The following RPTOR variants were observed in gnomAD, a reference collection of about 807,000 sequenced individuals.
RPTOR encodes the protein regulatory associated protein of MTOR complex 1, also known as regulatory-associated protein of mTOR.
In RPTOR, 21 loss-of-function variants were observed where a neutral mutation model predicts 169.9. That is an observed-to-expected ratio of 0.12 (90% CI 0.09 to 0.18). The LOEUF is 0.18. Ranked by LOEUF, RPTOR falls within the 10% of genes least tolerant of loss-of-function variation. The pLI, the probability that RPTOR is intolerant of heterozygous loss-of-function variation, is 1.00. For missense variants in RPTOR, 1,133 were observed against 1,855.9 expected (o/e 0.61, Z 7.16); for synonymous variants, 732 against 753.2 (o/e 0.97, Z 0.46).
In RPTOR at chr17:80,695,681, G is replaced by A. The variant is rs2066030375; in HGVS notation, c.349-12160G>A. Among the ~76,000 whole-genome samples, 2 of 152,242 alleles carry A rather than the reference G, an allele frequency of 1.3e-5. No individual in the cohort carries two copies. The highest frequency in any genetic ancestry group is 2.9e-5 in the Non-Finnish European group (2 of 68,048). ...CCAGAATAATCGTGAGAAGGAGCCAGTGGAGTGGTGTGACTTTTGTATTTA... is the reference window on the plus strand; with the variant it reads ...CCAGAATAATCGTGAGAAGGAGCCAATGGAGTGGTGTGACTTTTGTATTTA... On this transcript the variant is annotated intron_variant, in intron 3 of 33. Coordinates refer to ENST00000306801, the MANE Select transcript of RPTOR (RefSeq NM_020761.3). The surrounding 1 kb of genome is among the most constrained non-coding windows in gnomAD (Gnocchi z 4.9).
intron 1 of RPTOR, among the ~76,000 whole-genome samples, chr17:80,571,429 C>T (rs2143309974): frequency 6.6e-6 from 1 of 152,268 alleles, no homozygotes; most frequent in Non-Finnish European, 1.5e-5. Flanking sequence ...TATTTCAGTA[C>T]CCTAGGACTT....
At chr17:80,711,744 C>CTTTTTTTTCTTTT (rs2066193279) in intron 4 of RPTOR, among the ~76,000 whole-genome samples, 2 of 88,852 alleles carry the variant, frequency 2.3e-5, no homozygotes, top group Non-Finnish European at 4.0e-5. Flanking sequence ...ATACATCAGT[C>CTTTTTTTTCTTTT]TTTTTTTTTT....
intron 1 of RPTOR, among the ~76,000 whole-genome samples, chr17:80,591,940 T>C (rs1178763179): frequency 6.6e-6 from 1 of 152,212 alleles, no homozygotes; most frequent in East Asian, 1.9e-4. Context: ...TTCTTTGTTA[T>C]CTGTTTGCTT....
At chr17:80,745,574 T>C (rs1407966974) in intron 5 of RPTOR, among the ~76,000 whole-genome samples, 1 of 152,262 alleles carries the variant, frequency 6.6e-6, no homozygotes, top group Non-Finnish European at 1.5e-5. Context: ...ACATGATAGA[T>C]GCCACATTAA....
In RPTOR at chr17:80,583,767, G is replaced by A. The variant is rs149278623; in HGVS notation, c.162+37976G>A. Reference sequence around the variant, plus strand: ...AGAGTAGAAACGAGAATGCACCCCCGGAATCAGCTCTCCGATGATATGCAG... The same window carrying A: ...AGAGTAGAAACGAGAATGCACCCCCAGAATCAGCTCTCCGATGATATGCAG... On this transcript the variant is annotated intron_variant, in intron 1 of 33. Transcript: ENST00000306801. Among the ~76,000 whole-genome samples the A allele has an allele frequency of 4.4e-4, 67 of 152,300 alleles. No homozygotes were observed. The East Asian group carries it at 0.012, about 28-fold the overall frequency.
rs1430435025 is a variant in RPTOR, at chr17:80,861,315, C to T, written c.1509+3415C>T. Among the ~76,000 whole-genome samples the T allele has an allele frequency of 1.4e-5, 2 of 144,652 alleles. No homozygotes were observed. The highest frequency in any genetic ancestry group is 4.9e-5 in the African/African-American group (2 of 40,922). The allele number at this position is 144,652 out of a possible 152,430, so 94.9% of individuals were successfully genotyped here. On this transcript the variant is annotated intron_variant, in intron 13 of 33. Transcript: ENST00000306801. The surrounding 1 kb of genome is among the most constrained non-coding windows in gnomAD (Gnocchi z 4.5). ...TGTGTAAATTATAGAGGAACAGGAA[C>T]AGGACCAGGAAGGGGCACCACGTAA... is the stretch of plus-strand genomic sequence containing the variant.
At chr17:80,667,850 C>T (rs2065792251) in intron 3 of RPTOR, among the ~76,000 whole-genome samples, 1 of 152,178 alleles carries the variant, frequency 6.6e-6, no homozygotes. Context: ...GCTTTTCATT[C>T]ATTCGGTTCC....
intron 6 of RPTOR, among the ~76,000 whole-genome samples, chr17:80,786,679 C>T (rs141733711): frequency 2.3e-3 from 353 of 152,292 alleles, no homozygotes; most frequent in African/African-American, 7.0e-3. Flanking sequence ...GAGCCCAGTT[C>T]GAACAGTTGG....
At chr17:80,684,420 A>G (rs2065920663) in intron 3 of RPTOR, among the ~76,000 whole-genome samples, 2 of 104,702 alleles carry the variant, frequency 1.9e-5, no homozygotes, top group African/African-American at 3.2e-5. Context: ...TTATTTATTT[A>G]TTTATTTATT....
At chr17:80,942,576 C>T (rs1294972143) in intron 25 of RPTOR, among the ~76,000 whole-genome samples, 2 of 151,946 alleles carry the variant, frequency 1.3e-5, no homozygotes, top group African/African-American at 4.8e-5. Flanking sequence ...GGAGTGAGGC[C>T]GCGCCCTCCT....
chr17:80,584,292 G>C (rs2065041008), intron 1 of RPTOR, among the ~76,000 whole-genome samples: 1 of 152,082 alleles, frequency 6.6e-6, no homozygotes, highest in South Asian at 2.1e-4. Context: ...GGTTTCAGAG[G>C]AGGGTTGTGA....
intron 3 of RPTOR, among the ~76,000 whole-genome samples, chr17:80,706,257 G>C (rs546464105): frequency 6.6e-6 from 1 of 152,072 alleles, no homozygotes; most frequent in Non-Finnish European, 1.5e-5. Context: ...TTTCACACCC[G>C]TTGTTCCCCT....
chr17:80,883,057 G>A (rs1458761172), intron 14 of RPTOR, among the ~76,000 whole-genome samples: 2 of 152,326 alleles, frequency 1.3e-5, no homozygotes, highest in African/African-American at 2.4e-5. Flanking sequence ...CCTGATTGCA[G>A]GACCGTGTGC....
chr17:80,908,767 G>A (rs1325499121), intron 20 of RPTOR, 44 bp from the exon 21 acceptor site: 3 of 1,424,454 alleles, frequency 2.1e-6, no homozygotes, highest in Admixed American at 3.4e-5. Context: ...GAGCCTCATT[G>A]GCAGCTACTT....
intron 13 of RPTOR, among the ~76,000 whole-genome samples, chr17:80,879,542 C>T (rs3942306): frequency 6.6e-6 from 1 of 151,978 alleles, no homozygotes; most frequent in Non-Finnish European, 1.5e-5. Context: ...ACAGTTCTGT[C>T]TGCTCATCAG....
rs1342162303 is a variant in RPTOR, at chr17:80,963,000, C to T, written c.3882C>T (p.Asp1294=). 8.1e-6 allele frequency: 13 copies of T among 1,610,198 alleles called. No individual in the cohort carries two copies. Among genetic ancestry groups the T allele is most frequent in the East Asian group, 2.2e-5 (1 of 44,668 alleles). Residue 1294 remains aspartate, a synonymous_variant, in exon 33 of 34, where the codon GAC becomes GAT. Transcript: ENST00000306801. ...TCATCAACAACATCAAGTACTACGA[C>T]GGCTTCATGGGCCAGCGGGTCGGCG... ...GELINNIKYY[D]GFMGQRVGAI...
chr17:80,899,566 G>T (rs2068449803), intron 20 of RPTOR, among the ~76,000 whole-genome samples: 1 of 152,240 alleles, frequency 6.6e-6, no homozygotes, highest in African/African-American at 2.4e-5. Flanking sequence ...AGGTCAAGGT[G>T]ATAGCTCCCT....
At chr17:80,871,373 T>C (rs1336567208) in intron 13 of RPTOR, among the ~76,000 whole-genome samples, 1 of 152,172 alleles carries the variant, frequency 6.6e-6, no homozygotes, top group Non-Finnish European at 1.5e-5. Flanking sequence ...CCATGCCCAA[T>C]GTTTTTGTCC....
intron 7 of RPTOR, among the ~76,000 whole-genome samples, chr17:80,819,945 G>A (rs1198436770): frequency 6.6e-6 from 1 of 152,202 alleles, no homozygotes; most frequent in Non-Finnish European, 1.5e-5. Flanking sequence ...GAGGACCTGA[G>A]CTCTGCAGTT....
Sources: allele counts gnomAD v4.1 joint callset (sites outside exome capture counted in the v4.1 genomes callset), GRCh38; gene constraint gnomAD v4.1.1; non-coding constraint Gnocchi (gnomAD v3.1); transcripts MANE v1.5; gene names NCBI Gene and HGNC (gene_info 2026-07-23, HGNC 2026-07-21).